The following MYO1B variants were observed in gnomAD, a reference collection of about 807,000 sequenced individuals.
MYO1B encodes the protein myosin IB.
In MYO1B, 72 loss-of-function variants were observed where a neutral mutation model predicts 159.7. That is an observed-to-expected ratio of 0.45 (90% CI 0.37 to 0.55). The LOEUF (loss-of-function observed/expected upper bound fraction) is 0.55. MYO1B is among the 20% of genes least tolerant of loss of function. The pLI is 0.00. For missense variants in MYO1B, 1,062 were observed against 1,364.8 expected (o/e 0.78, Z 3.50); for synonymous variants, 468 against 473.8 (o/e 0.99, Z 0.16).
rs1184344952 is a variant in MYO1B at position 191,370,143 on chromosome 2, TG to T, written c.1120-83del. The T allele has an allele frequency of 3.5e-6, 3 of 854,452 alleles. No homozygotes were observed. In the East Asian group the frequency reaches 7.9e-5, roughly 22 times the overall value. The allele number at this position is 854,452 out of a possible 1,614,324, so 52.9% of individuals were successfully genotyped here. A position where few individuals can be genotyped will look rare whatever the true frequency, so the allele number is the denominator to read the frequency against. ...TCTTACTTAAGAAACATAATTAATTTGTAATATATATCTATGTTCCTTGGAT... is the reference window on the plus strand; with the variant it reads ...TCTTACTTAAGAAACATAATTAATTTTAATATATATCTATGTTCCTTGGAT... On this transcript the variant is annotated intron_variant, in intron 12 of 30. Coordinates refer to ENST00000392318, the MANE Select transcript of MYO1B (RefSeq NM_001130158.3).
At chr2:191,355,709 GT>G (rs751247624) in intron 7 of MYO1B, among the ~76,000 whole-genome samples, 20 of 152,174 alleles carry the variant, frequency 1.3e-4, no homozygotes, top group Non-Finnish European at 2.5e-4. Flanking sequence ...GTGCACGGCC[GT>G]TTCCTTCTGC....
chr2:191,277,514 C>T (rs543842897), intron 2 of MYO1B, among the ~76,000 whole-genome samples: 1 of 152,296 alleles, frequency 6.6e-6, no homozygotes, highest in South Asian at 2.1e-4. Context: ...TGGCTATAGT[C>T]ATGTCCTACT....
At chr2:191,392,768 T>G (rs1695833860) in intron 19 of MYO1B, among the ~76,000 whole-genome samples, 1 of 152,206 alleles carries the variant, frequency 6.6e-6, no homozygotes, top group South Asian at 2.1e-4. Flanking sequence ...AGCATCTACC[T>G]TCCATTAGTA....
At chr2:191,360,275 A>G (rs1451501232) in intron 7 of MYO1B, among the ~76,000 whole-genome samples, 1 of 152,198 alleles carries the variant, frequency 6.6e-6, no homozygotes, top group East Asian at 1.9e-4. Context: ...TACTAGGTAG[A>G]CTCATAATTG....
chr2:191,316,221 T>G (rs1218197836), intron 3 of MYO1B, among the ~76,000 whole-genome samples: 1 of 152,228 alleles, frequency 6.6e-6, no homozygotes, highest in East Asian at 1.9e-4. Flanking sequence ...TAAAAGATCC[T>G]TAATTTTAAA....
Position 191,370,250 on chromosome 2 carries a change from G to C in MYO1B, c.1143G>C (p.Lys381Asn). Residue 381 changes from lysine (K) to asparagine (N), a missense_variant, in exon 13 of 31, where the codon AAG (lysine) becomes AAC (asparagine). Physicochemically the swap from Lys to Asn is moderately conservative, Grantham distance 94 (BLOSUM62 0). Transcript: ENST00000392318. Reference sequence around the variant, plus strand: ...AGGCACAAACAAAAGTGAGAAAGAAGGTCATGGGTGTTCTGGACATTTATG... The same window carrying C: ...AGGCACAAACAAAAGTGAGAAAGAACGTCATGGGTGTTCTGGACATTTATG... ...SIKAQTKVRK[K>N]VMGVLDIYGF... is the part of the protein sequence containing the mutation. 1 of 1,613,182 alleles carries C rather than the reference G, an allele frequency of 6.2e-7. No homozygotes were observed. Among genetic ancestry groups the C allele is most frequent in the Middle Eastern group, 1.7e-4 (1 of 6,050 alleles).
At chr2:191,402,275 T>C in intron 23 of MYO1B, 1 of 287,462 alleles carries the variant, frequency 3.5e-6, no homozygotes, top group South Asian at 3.7e-5. Flanking sequence ...TCATTAGGGC[T>C]GTTACTCAGA....
chr2:191,326,011 G>C (rs969559903), intron 3 of MYO1B, among the ~76,000 whole-genome samples: 5 of 152,166 alleles, frequency 3.3e-5, no homozygotes, highest in Admixed American at 3.3e-4. Context: ...CCTATTCTTA[G>C]AGCTCAACTA....
At chr2:191,274,411 G>T (rs1243181337) in intron 1 of MYO1B, among the ~76,000 whole-genome samples, 1 of 152,178 alleles carries the variant, frequency 6.6e-6, no homozygotes, top group Non-Finnish European at 1.5e-5. Flanking sequence ...ATTGTTACCT[G>T]CAGGGAAGCT....
chr2:191,333,988 A>G (rs187486172), intron 4 of MYO1B, among the ~76,000 whole-genome samples: 3 of 152,216 alleles, frequency 2.0e-5, no homozygotes, highest in Admixed American at 2.0e-4. Context: ...GACTCTATCT[A>G]CAAGCACACA....
intron 1 of MYO1B, among the ~76,000 whole-genome samples, chr2:191,266,122 C>T (rs969381122): frequency 2.0e-5 from 3 of 152,178 alleles, no homozygotes; most frequent in African/African-American, 7.2e-5. Context: ...GTGTTGGCTG[C>T]ATTTCCTCCT....
At chr2:191,281,338 G>A (rs1688047536) in intron 2 of MYO1B, among the ~76,000 whole-genome samples, 1 of 152,178 alleles carries the variant, frequency 6.6e-6, no homozygotes, top group African/African-American at 2.4e-5. Context: ...TGGGGGAAAT[G>A]CTGAAGTGAT....
Position 191,393,158 on chromosome 2 carries a change from G to A in MYO1B, c.2162G>A (p.Arg721His), listed in dbSNP as rs777952836. The A allele has an allele frequency of 2.4e-5, 38 of 1,613,800 alleles. No individual in the cohort carries two copies. Among genetic ancestry groups the A allele is most frequent in the Middle Eastern group, 1.6e-4 (1 of 6,084 alleles). ...IQKIYRGWKC[R>H]THFLLMKKSQ... Reference sequence around the variant, plus strand: ...AAGATATATCGGGGGTGGAAATGCCGCACACACTTCCTGCTAATGAAAAAA... The same window carrying A: ...AAGATATATCGGGGGTGGAAATGCCACACACACTTCCTGCTAATGAAAAAA... Residue 721 changes from arginine to histidine, a missense_variant, in exon 20 of 31, where the codon CGC becomes CAC. Arg to His is a conservative substitution (Grantham distance 29). Coordinates refer to ENST00000392318, the MANE Select transcript of MYO1B (RefSeq NM_001130158.3).
At chr2:191,249,327 T>A (rs1685975532) in intron 1 of MYO1B, among the ~76,000 whole-genome samples, 1 of 152,212 alleles carries the variant, frequency 6.6e-6, no homozygotes, top group Admixed American at 6.5e-5. Context: ...CAGCACATGC[T>A]TTTTGTCCTG....
At position 191,350,220 on chromosome 2, in the gene MYO1B, G is replaced by A. The variant is rs1692824114; in HGVS notation, c.557G>A (p.Ser186Asn). The A allele has an allele frequency of 1.2e-6, 2 of 1,610,076 alleles. No individual in the cohort carries two copies. The highest frequency in any genetic ancestry group is 2.7e-5 in the African/African-American group (2 of 74,840). The change falls in exon 7 of 31, where the codon AGT (serine) becomes AAT (asparagine). Residue 186 changes from serine (S) to asparagine (N), a missense_variant. This residue lies in a region of MYO1B where 415 missense variants were observed against 544.0 expected (regional missense o/e 0.76). Coordinates refer to ENST00000392318, the MANE Select transcript of MYO1B (RefSeq NM_001130158.3). ...GGCGATCCACTAGGAGGAGTAATAA[G>A]TAACTGTGAGTATTTTTCTTCAGTC... is the stretch of plus-strand genomic sequence containing the variant. ...FKGDPLGGVI[S>N]NYLLEKSRVV...
intron 1 of MYO1B, among the ~76,000 whole-genome samples, chr2:191,264,695 G>C (rs1016770318): frequency 7.9e-5 from 12 of 151,888 alleles, no homozygotes; most frequent in South Asian, 6.3e-4. Flanking sequence ...AAAGAGAGCT[G>C]CTTTCCTTTG....
At chr2:191,345,566 A>G (rs898959597) in intron 5 of MYO1B, among the ~76,000 whole-genome samples, 5 of 152,218 alleles carry the variant, frequency 3.3e-5, no homozygotes, top group Admixed American at 2.6e-4. Flanking sequence ...TCCAGGAAAC[A>G]GCTAAGATTG....
chr2:191,250,327 G>A (rs569785715), intron 1 of MYO1B, among the ~76,000 whole-genome samples: 5 of 152,176 alleles, frequency 3.3e-5, no homozygotes, highest in Admixed American at 6.5e-5. Flanking sequence ...ATGTGAAAGC[G>A]TTCAGGTTCA....
chr2:191,313,734 G>A (rs2125870128), intron 3 of MYO1B, among the ~76,000 whole-genome samples: 1 of 152,230 alleles, frequency 6.6e-6, no homozygotes, highest in Admixed American at 6.5e-5. Context: ...GGTCAGGCTG[G>A]TCTTGAACTC....
Sources: allele counts gnomAD v4.1 joint callset (sites outside exome capture counted in the v4.1 genomes callset), GRCh38; gene constraint gnomAD v4.1.1; regional missense constraint gnomAD v4.1.1; transcripts MANE v1.5; gene names NCBI Gene and HGNC (gene_info 2026-07-23, HGNC 2026-07-21).